LRRC41: variants seen among roughly 807,000 people sequenced by gnomAD.
LRRC41 encodes leucine-rich repeat-containing protein 41.
LRRC41 carries 17 observed loss-of-function variants against 72.1 expected under a neutral mutation model. That is an observed-to-expected ratio of 0.24 (90% CI 0.16 to 0.35). The LOEUF (loss-of-function observed/expected upper bound fraction) is 0.35. LRRC41 is among the 10% of genes least tolerant of loss of function. The probability of loss-of-function intolerance (pLI) is 1.00; values close to 1 mark genes in which losing one functional copy is unlikely to be tolerated. For missense variants in LRRC41, 759 were observed against 1,065.0 expected (o/e 0.71, Z 4.00); for synonymous variants, 427 against 431.0 (o/e 0.99, Z 0.11).
Position 46,303,128 on chromosome 1 carries a change from C to T in LRRC41, c.195G>A (p.Val65=), listed in dbSNP as rs768596821. 6.2e-6 allele frequency: 9 copies of T among 1,449,228 alleles called. No individual in the cohort carries two copies. Among genetic ancestry groups the T allele is most frequent in the Admixed American group, 4.9e-5 (2 of 41,150 alleles). 89.8% of individuals were successfully genotyped at this position (1,449,228 alleles called of 1,614,324 possible). The change falls in exon 1 of 10, where the codon GTG becomes GTA. Residue 65 remains valine, a synonymous_variant. Transcript: ENST00000617190. ...GCCCCTCACCCCGCGACTTACCCCA[C>T]ACCCCGCTCTCCAGAACCCCCATAT... is the stretch of plus-strand genomic sequence containing the variant. ...SAHMGVLESG[V]WALPGPILQS...
chr1:46,302,721 C>A lies in LRRC41; in HGVS notation c.199+403G>T, dbSNP rs1173755270. The A allele has an allele frequency of 2.0e-6, 2 of 985,142 alleles. No homozygotes were observed. The highest frequency in any genetic ancestry group is 2.4e-6 in the Non-Finnish European group (2 of 829,848). The allele number at this position is 985,142 out of a possible 1,614,324, so 61.0% of individuals were successfully genotyped here. On this transcript the variant is annotated intron_variant, in intron 1 of 9. Coordinates refer to ENST00000617190, the MANE Select transcript of LRRC41 (RefSeq NM_006369.5). The surrounding 1 kb of genome is among the most constrained non-coding windows in gnomAD (Gnocchi z 4.7). The stretch of plus-strand genomic sequence containing the variant: ...CCTTGCCTTAGGCCGGGCCTCCTAA[C>A]CTCGGCCCCTGCCCTAGGGCAGCCG...
chr1:46,301,237 T>G (rs1300406891), intron 1 of LRRC41, among the ~76,000 whole-genome samples: 6 of 152,104 alleles, frequency 3.9e-5, no homozygotes, highest in Admixed American at 1.3e-4. Flanking sequence ...TTTCCTTGCT[T>G]CTTTCTAGCC....
In LRRC41 at chr1:46,293,228, G is replaced by C. The variant is rs72883403; in HGVS notation, c.357+4335C>G. On this transcript the variant is annotated intron_variant, in intron 3 of 9. Coordinates refer to ENST00000617190, the MANE Select transcript of LRRC41 (RefSeq NM_006369.5). ...ACTCTCTCCATCCTGAGATTAGGAT[G>C]GTCACTTTTATTATTTCTTTAGTTG... Among the ~76,000 whole-genome samples, 1,238 of 151,586 alleles carry C rather than the reference G, an allele frequency of 8.2e-3. 20 individuals carry two copies. The highest frequency in any genetic ancestry group is 0.038 in the Middle Eastern group (11 of 292).
Position 46,278,450 on chromosome 1 carries a change from A to C in LRRC41, c.*415T>G. The C allele has an allele frequency of 1.2e-6, 1 of 853,574 alleles. No individual in the cohort carries two copies. The highest frequency in any genetic ancestry group is 1.8e-6 in the Non-Finnish European group (1 of 541,442). 52.9% of individuals were successfully genotyped at this position (853,574 alleles called of 1,614,324 possible). On this transcript the variant is annotated 3_prime_UTR_variant, in exon 10 of 10. Transcript: ENST00000617190. Reference sequence around the variant, plus strand: ...TAAGAAAAACTTTTTTGGTTAAAAAAAAGAATAAAGGTATGAAAGGGTTTG... The same window carrying C: ...TAAGAAAAACTTTTTTGGTTAAAAACAAGAATAAAGGTATGAAAGGGTTTG...
chr1:46,294,505 C>T (rs1270958607), intron 3 of LRRC41, among the ~76,000 whole-genome samples: 1 of 152,018 alleles, frequency 6.6e-6, no homozygotes, highest in African/African-American at 2.4e-5. Flanking sequence ...TCAAGCTATT[C>T]CTCTCACTTC....
chr1:46,287,066 G>A (rs1397325670), intron 3 of LRRC41, among the ~76,000 whole-genome samples: 4 of 151,906 alleles, frequency 2.6e-5, no homozygotes, highest in African/African-American at 7.3e-5. Context: ...GCCTCCCAAA[G>A]TGCTAGGATT....
chr1:46,279,429 G>C lies in LRRC41; in HGVS notation c.2143+63C>G, dbSNP rs1660722932. The C allele has an allele frequency of 6.2e-7, 1 of 1,612,264 alleles. No homozygotes were observed. Among genetic ancestry groups the C allele is most frequent in the South Asian group, 1.1e-5 (1 of 91,008 alleles). ...GTGGAGAGGTCTTTGCCTTTATCCA[G>C]TGAGTTTTTAGGTCAAAGGCCTAGC... is the stretch of plus-strand genomic sequence containing the variant. On this transcript the variant is annotated intron_variant, in intron 8 of 9. Coordinates refer to ENST00000617190, the MANE Select transcript of LRRC41 (RefSeq NM_006369.5). The surrounding 1 kb of genome is among the most constrained non-coding windows in gnomAD (Gnocchi z 4.5).
intron 1 of LRRC41, chr1:46,299,586 T>TA (rs1661186049): frequency 7.0e-6 from 1 of 142,118 alleles, no homozygotes; most frequent in African/African-American, 2.6e-5. Flanking sequence ...CCTCAAAAAA[T>TA]AAAAAATAGG....
chr1:46,293,726 C>T (rs567707599), intron 3 of LRRC41, among the ~76,000 whole-genome samples: 5 of 152,032 alleles, frequency 3.3e-5, no homozygotes, highest in East Asian at 1.9e-4. Context: ...TGTGCCACCA[C>T]GCCCGGCTAA....
chr1:46,302,619 G>A lies in LRRC41; in HGVS notation c.199+505C>T. ...CCATCGGCTTGGCCTCCGGAATCTC[G>A]ACCCCCGTGGCGTGTCAGGCAGATG... On this transcript the variant is annotated intron_variant, in intron 1 of 9. Transcript: ENST00000617190. This position sits in a 1 kb window ranked among gnomAD's most constrained non-coding sequence, Gnocchi z 4.7. 1 of 985,088 alleles carries A rather than the reference G, an allele frequency of 1.0e-6. No homozygotes were observed. Among genetic ancestry groups the A allele is most frequent in the Non-Finnish European group, 1.2e-6 (1 of 829,864 alleles). 61.0% of individuals were successfully genotyped at this position (985,088 alleles called of 1,614,324 possible).
At chr1:46,281,947 C>T (rs1045138585) in intron 4 of LRRC41, among the ~76,000 whole-genome samples, 8 of 152,090 alleles carry the variant, frequency 5.3e-5, no homozygotes, top group Admixed American at 1.3e-4. Flanking sequence ...GGCTGGGTGG[C>T]ACATGCCTGT....
At chr1:46,297,805 T>C (rs1661153896) in intron 2 of LRRC41, among the ~76,000 whole-genome samples, 172 bp from the exon 3 acceptor site, 1 of 152,220 alleles carries the variant, frequency 6.6e-6, no homozygotes, top group African/African-American at 2.4e-5. Flanking sequence ...ACTCCAGCTA[T>C]GTGACTTTGC....
chr1:46,297,648 A>T lies in LRRC41; in HGVS notation c.287-15T>A, dbSNP rs1042059835. The T allele has an allele frequency of 6.2e-7, 1 of 1,605,308 alleles. No homozygotes were observed. Among genetic ancestry groups the T allele is most frequent in the Non-Finnish European group, 8.5e-7 (1 of 1,171,984 alleles). ...AGTTGAGAGGCCTGTAAGGAGAAAT[A>T]TCACACTTGGCTGCTTACTGGCCAC... On this transcript the variant is annotated splice_polypyrimidine_tract_variant and intron_variant, in intron 2 of 9. Coordinates refer to ENST00000617190, the MANE Select transcript of LRRC41 (RefSeq NM_006369.5).
chr1:46,294,215 C>G (rs943928299), intron 3 of LRRC41, among the ~76,000 whole-genome samples: 21 of 150,962 alleles, frequency 1.4e-4, no homozygotes, highest in African/African-American at 5.1e-4. Context: ...CCTGGGCTCC[C>G]TCCCACCTCA....
rs1435283565 is a variant in LRRC41 at position 46,286,745 on chromosome 1, C to A, written c.358-246G>T. Among the ~76,000 whole-genome samples, 1 of 152,196 alleles carries A rather than the reference C, an allele frequency of 6.6e-6. No homozygotes were observed. Among genetic ancestry groups the A allele is most frequent in the Non-Finnish European group, 1.5e-5 (1 of 68,036 alleles). Reference sequence around the variant, plus strand: ...TGGAAATCTGGTTCCAGAGACCATGCTTTTATTATAGTGTCTCCACTGAAA... The same window carrying A: ...TGGAAATCTGGTTCCAGAGACCATGATTTTATTATAGTGTCTCCACTGAAA... On this transcript the variant is annotated intron_variant, in intron 3 of 9. Transcript: ENST00000617190. This position sits in a 1 kb window ranked among gnomAD's most constrained non-coding sequence, Gnocchi z 5.5.
chr1:46,284,542 A>G (rs1036580838), intron 4 of LRRC41: 12 of 152,176 alleles, frequency 7.9e-5, no homozygotes, highest in African/African-American at 2.9e-4. Flanking sequence ...TTTGTTGTGA[A>G]GCTCTATGCA....
intron 3 of LRRC41, among the ~76,000 whole-genome samples, chr1:46,294,296 C>T (rs1265062589): frequency 9.9e-5 from 15 of 151,718 alleles, no homozygotes; most frequent in African/African-American, 2.4e-4. Context: ...TTTGTAGAGA[C>T]GGGGTTTCTC....
chr1:46,290,916 G>GTTTTTTTTTT, intron 3 of LRRC41, among the ~76,000 whole-genome samples: 1 of 65,724 alleles, frequency 1.5e-5, no homozygotes. Flanking sequence ...CCTGTTTCTA[G>GTTTTTTTTTT]TTTTTTTTTT....
chr1:46,296,521 A>C (rs1032026222), intron 3 of LRRC41, among the ~76,000 whole-genome samples: 1 of 152,218 alleles, frequency 6.6e-6, no homozygotes, highest in Non-Finnish European at 1.5e-5. Context: ...GTACCTGGTT[A>C]AGTTTCAGTA....
Sources: allele counts gnomAD v4.1 joint callset (sites outside exome capture counted in the v4.1 genomes callset), GRCh38; gene constraint gnomAD v4.1.1; non-coding constraint Gnocchi (gnomAD v3.1); transcripts MANE v1.5; gene names NCBI Gene and HGNC (gene_info 2026-07-23, HGNC 2026-07-21).